LRRTM4: variants seen among roughly 807,000 people sequenced by gnomAD.
The protein encoded by LRRTM4 is leucine-rich repeat transmembrane neuronal protein 4.
A neutral mutation model predicts 47.6 loss-of-function variants in LRRTM4; 25 were observed. The ratio of observed to expected loss-of-function variants is 0.53; its 90% CI spans 0.38 to 0.73. LRRTM4 has a LOEUF of 0.73. Ranked by LOEUF, LRRTM4 falls within the 30% of genes least tolerant of loss-of-function variation. The pLI is 0.00. For missense variants in LRRTM4, 638 were observed against 713.4 expected, an observed-to-expected ratio of 0.89 and a Z score of 1.20; for synonymous variants, 311 against 269.5, an observed-to-expected ratio of 1.15 and a Z score of -1.51.
At chr2:77,121,304 A>T (rs1295961407) in intron 3 of LRRTM4, among the ~76,000 whole-genome samples, 1 of 151,816 alleles carries the variant, frequency 6.6e-6, no homozygotes, top group African/African-American at 2.4e-5. Context: ...TAAAGATGAC[A>T]TCAGTACGAA....
chr2:76,947,869 A>C (rs1293918264), intron 3 of LRRTM4, among the ~76,000 whole-genome samples: 1 of 151,844 alleles, frequency 6.6e-6, no homozygotes, highest in Middle Eastern at 3.2e-3. Context: ...ATCAGAGCCC[A>C]AGCAAAAGAA....
At chr2:77,183,586 T>A (rs1174454106) in intron 3 of LRRTM4, among the ~76,000 whole-genome samples, 2 of 152,204 alleles carry the variant, frequency 1.3e-5, no homozygotes, top group Non-Finnish European at 2.9e-5. Context: ...ACTGGGTATA[T>A]ACCCAAAGGA....
In LRRTM4 at chr2:77,516,559, A is replaced by G. The variant is rs202015130; in HGVS notation, c.1551+1759T>C. ...ATACCAGCCTTTAAGAGGATCACAA[A>G]ATATAAGGAGAACCCAGAATAAAAT... is the stretch of plus-strand genomic sequence containing the variant. On this transcript the variant is annotated intron_variant, in intron 3 of 3. Transcript: ENST00000409884. 1.0e-4 allele frequency: 98 copies of G among 947,170 alleles called. No homozygotes were observed. The East Asian group carries it at 7.8e-3, about 75-fold the overall frequency. The allele number at this position is 947,170 out of a possible 1,614,324, so 58.7% of individuals were successfully genotyped here. A position where few individuals can be genotyped will look rare whatever the true frequency, so the allele number is the denominator to read the frequency against.
At chr2:77,391,181 AG>A (rs1298708492) in intron 3 of LRRTM4, among the ~76,000 whole-genome samples, 1 of 151,974 alleles carries the variant, frequency 6.6e-6, no homozygotes, top group East Asian at 1.9e-4. Context: ...GACAGATGAA[AG>A]CTTTATAACT....
At chr2:77,186,574 T>A (rs1673511073) in intron 3 of LRRTM4, among the ~76,000 whole-genome samples, 1 of 152,064 alleles carries the variant, frequency 6.6e-6, no homozygotes, top group Admixed American at 6.6e-5. Context: ...AAATAAAAAA[T>A]AAAATAATGA....
chr2:76,771,647 A>C (rs964245586), intron 3 of LRRTM4, among the ~76,000 whole-genome samples: 7 of 139,144 alleles, frequency 5.0e-5, no homozygotes, highest in African/African-American at 2.0e-4. Flanking sequence ...AACAGAAAAA[A>C]AAAAAAAAAA....
At chr2:77,474,148 A>T (rs1677289849) in intron 3 of LRRTM4, among the ~76,000 whole-genome samples, 1 of 152,164 alleles carries the variant, frequency 6.6e-6, no homozygotes, top group South Asian at 2.1e-4. Context: ...GGAAAAAAGA[A>T]ATCAAAAGAA....
chr2:77,154,225 C>T (rs1672500247), intron 3 of LRRTM4, among the ~76,000 whole-genome samples: 1 of 152,134 alleles, frequency 6.6e-6, no homozygotes, highest in South Asian at 2.1e-4. Flanking sequence ...CAATTATAGA[C>T]TTTGGCTAAA....
intron 3 of LRRTM4, among the ~76,000 whole-genome samples, chr2:77,255,286 A>G (rs1221871048): frequency 6.6e-6 from 1 of 151,984 alleles, no homozygotes; most frequent in Non-Finnish European, 1.5e-5. Context: ...AAACTGATAG[A>G]TTGAAAGGAG....
chr2:77,139,251 CA>C (rs1268738953), intron 3 of LRRTM4, among the ~76,000 whole-genome samples: 2 of 152,264 alleles, frequency 1.3e-5, no homozygotes, highest in African/African-American at 4.8e-5. Context: ...CCAGATCCAG[CA>C]GCGCATCAAA....
chr2:76,881,468 CTTTTT>C (rs74263980), intron 3 of LRRTM4, among the ~76,000 whole-genome samples: 2 of 136,652 alleles, frequency 1.5e-5, no homozygotes, highest in Admixed American at 7.2e-5. Context: ...TTGCTAAAGA[CTTTTT>C]TTTTTTTTTT....
chr2:77,136,801 A>G (rs948414047), intron 3 of LRRTM4, among the ~76,000 whole-genome samples: 2 of 151,960 alleles, frequency 1.3e-5, no homozygotes, highest in Non-Finnish European at 2.9e-5. Flanking sequence ...GGAGCTGAAA[A>G]CAATGGCACA....
chr2:77,071,549 T>C (rs1007535651), intron 3 of LRRTM4, among the ~76,000 whole-genome samples: 3 of 152,076 alleles, frequency 2.0e-5, no homozygotes, highest in African/African-American at 4.8e-5. Flanking sequence ...AGACTAACAA[T>C]AGCAATAAAT....
At chr2:77,200,741 T>A (rs955538341) in intron 3 of LRRTM4, among the ~76,000 whole-genome samples, 1 of 151,808 alleles carries the variant, frequency 6.6e-6, no homozygotes, top group Admixed American at 6.6e-5. Flanking sequence ...AATGAGGGAG[T>A]TTGAAATGAT....
At position 76,963,160 on chromosome 2, in the gene LRRTM4, G is replaced by A. The variant is rs947397856; in HGVS notation, c.1552-214244C>T. Among the ~76,000 whole-genome samples the A allele has an allele frequency of 8.0e-5, 12 of 150,868 alleles. No individual in the cohort carries two copies. The East Asian group carries it at 2.2e-3, about 27-fold the overall frequency. ...AATGACCTTACTCAATGTAAAAAAT[G>A]TATTATAAAAATTTAATTCTTATTC... On this transcript the variant is annotated intron_variant, in intron 3 of 3. Coordinates refer to ENST00000409884, the MANE Select transcript of LRRTM4 (RefSeq NM_001134745.3).
intron 3 of LRRTM4, among the ~76,000 whole-genome samples, chr2:77,505,981 A>G (rs1316563056): frequency 1.3e-5 from 2 of 151,718 alleles, no homozygotes; most frequent in Non-Finnish European, 1.5e-5. Flanking sequence ...TCTCATTTCA[A>G]ATAGAAATGA....
At chr2:77,337,805 T>G (rs1671221085) in intron 3 of LRRTM4, among the ~76,000 whole-genome samples, 1 of 152,112 alleles carries the variant, frequency 6.6e-6, no homozygotes, top group South Asian at 2.1e-4. Context: ...AAAGCAGTCC[T>G]AAGCAAAAAG....
At chr2:77,276,103 C>T (rs1274088395) in intron 3 of LRRTM4, among the ~76,000 whole-genome samples, 1 of 151,992 alleles carries the variant, frequency 6.6e-6, no homozygotes, top group Non-Finnish European at 1.5e-5. Flanking sequence ...TTCAATCTAT[C>T]TTCAACTTTT....
intron 3 of LRRTM4, among the ~76,000 whole-genome samples, chr2:76,790,652 A>C (rs900289710): frequency 6.6e-6 from 1 of 152,108 alleles, no homozygotes; most frequent in Non-Finnish European, 1.5e-5. Flanking sequence ...GCATTAGAGC[A>C]TCTGAATTTG....
Sources: allele counts gnomAD v4.1 joint callset (sites outside exome capture counted in the v4.1 genomes callset), GRCh38; gene constraint gnomAD v4.1.1; transcripts MANE v1.5; gene names NCBI Gene and HGNC (gene_info 2026-07-23, HGNC 2026-07-21).